The following MCC variants were observed in gnomAD, a reference collection of about 807,000 sequenced individuals.
The protein encoded by MCC is MCC regulator of Wnt signaling pathway.
Under a neutral mutation model 116.2 loss-of-function variants are expected in MCC, and 90 were observed. The ratio of observed to expected loss-of-function variants is 0.77; its 90% CI spans 0.65 to 0.92. The LOEUF is 0.92. Ranked by LOEUF, MCC falls within the 40% of genes least tolerant of loss-of-function variation. The pLI is 0.00. For synonymous variants in MCC, 578 were observed against 510.5 expected (o/e 1.13, Z -1.78); for missense variants, 1,516 against 1,312.2 (o/e 1.16, Z -2.40).
intron 14 of MCC, among the ~76,000 whole-genome samples, chr5:113,061,178 G>A (rs1211403737): frequency 1.3e-5 from 2 of 152,176 alleles, no homozygotes; most frequent in Non-Finnish European, 2.9e-5. Context: ...CTACCTGGAG[G>A]TACCTAGAGG....
At chr5:113,170,463 C>A (rs1218208392) in intron 3 of MCC, among the ~76,000 whole-genome samples, 1 of 152,028 alleles carries the variant, frequency 6.6e-6, no homozygotes, top group East Asian at 1.9e-4. Context: ...ATTTCTGTGG[C>A]GTCATTAAAG....
At chr5:113,241,832 C>T (rs986015263) in intron 3 of MCC, among the ~76,000 whole-genome samples, 13 of 152,224 alleles carry the variant, frequency 8.5e-5, no homozygotes, top group Non-Finnish European at 1.5e-4. Flanking sequence ...CAAGTCTTCT[C>T]TGGAAAAACT....
chr5:113,230,921 C>T (rs1763917698), intron 3 of MCC, among the ~76,000 whole-genome samples: 1 of 152,132 alleles, frequency 6.6e-6, no homozygotes, highest in Admixed American at 6.6e-5. Context: ...CTCCTACGTG[C>T]TCCCCATACC....
At chr5:113,221,927 TC>T (rs1416307861) in intron 3 of MCC, among the ~76,000 whole-genome samples, 1 of 152,100 alleles carries the variant, frequency 6.6e-6, no homozygotes, top group East Asian at 1.9e-4. Flanking sequence ...CTATTGCAAT[TC>T]CCCTGTCTTG....
At chr5:113,075,928 C>A (rs550884459) in intron 11 of MCC, among the ~76,000 whole-genome samples, 1 of 152,174 alleles carries the variant, frequency 6.6e-6, no homozygotes, top group Non-Finnish European at 1.5e-5. Context: ...ACTCCAGATG[C>A]GCCCCCTTTA....
intron 1 of MCC, among the ~76,000 whole-genome samples, chr5:113,393,652 A>G (rs1377792244): frequency 2.0e-5 from 3 of 152,196 alleles, no homozygotes; most frequent in Non-Finnish European, 4.4e-5. Flanking sequence ...CGCTTTGGCT[A>G]TGTTTCTAGA....
rs377458991 is a variant in MCC, at chr5:113,398,163, T to C, written c.171-12951A>G. Among the ~76,000 whole-genome samples the C allele has an allele frequency of 3.2e-4, 48 of 152,328 alleles. 4 individuals are homozygous for C. Among genetic ancestry groups the C allele is most frequent in the Admixed American group, 8.5e-4 (13 of 15,296 alleles). On this transcript the variant is annotated intron_variant, in intron 1 of 18. Transcript: ENST00000408903. The stretch of plus-strand genomic sequence containing the variant: ...CATCTCACACTAGTCAGAATGGTTA[T>C]TGTTAAAACGTCAAAAAATAACATT...
chr5:113,122,583 T>C, intron 6 of MCC, 101 bp downstream of exon 6: 10 of 1,418,294 alleles, frequency 7.1e-6, no homozygotes, highest in Non-Finnish European at 9.6e-6. Context: ...GCAAACCCCT[T>C]GAAAAATTAA....
At chr5:113,384,105 T>A (rs1308745300) in intron 2 of MCC, among the ~76,000 whole-genome samples, 1 of 152,130 alleles carries the variant, frequency 6.6e-6, no homozygotes, top group Non-Finnish European at 1.5e-5. Flanking sequence ...TCAAACATAC[T>A]AAAAAATATG....
intron 4 of MCC, among the ~76,000 whole-genome samples, chr5:113,143,990 G>A (rs1340976510): frequency 2.0e-5 from 3 of 152,120 alleles, no homozygotes; most frequent in Non-Finnish European, 4.4e-5. Context: ...TTATCTCCCA[G>A]ACTACAAGCT....
In MCC at chr5:113,173,112, T is replaced by C. The variant is rs1426906256; in HGVS notation, c.628-21690A>G. On this transcript the variant is annotated intron_variant, in intron 3 of 18. Transcript: ENST00000408903. ...AGTGAACTGTTCGTCTTTTAATTTATATAGCATTTTATCACATCTGTATGT... is the reference window on the plus strand; with the variant it reads ...AGTGAACTGTTCGTCTTTTAATTTACATAGCATTTTATCACATCTGTATGT... Among the ~76,000 whole-genome samples the C allele has an allele frequency of 2.0e-5, 3 of 152,328 alleles. No individual in the cohort carries two copies. In the South Asian group the frequency reaches 6.2e-4, roughly 32 times the overall value.
intron 5 of MCC, among the ~76,000 whole-genome samples, chr5:113,139,117 T>C (rs1759024252): frequency 6.6e-6 from 1 of 152,290 alleles, no homozygotes; most frequent in Middle Eastern, 3.4e-3. Context: ...TTGATTACTA[T>C]TGTGCCCTTG....
rs914528362 is a variant in MCC at position 113,122,832 on chromosome 5, A to C, written c.885-6T>G. 9.3e-6 allele frequency: 15 copies of C among 1,613,900 alleles called. No individual in the cohort carries two copies. The highest frequency in any genetic ancestry group is 1.3e-5 in the Non-Finnish European group (15 of 1,179,896). ...CTGAGTACTCATCTTCCTCCCTGAG[A>C]AAAAAGGAGAATTGGCAACCACTAA... On this transcript the variant is annotated splice_polypyrimidine_tract_variant and splice_region_variant and intron_variant, in intron 5 of 18. Transcript: ENST00000408903.
chr5:113,125,002 C>G (rs942543777), intron 5 of MCC, among the ~76,000 whole-genome samples: 3 of 152,188 alleles, frequency 2.0e-5, no homozygotes, highest in African/African-American at 7.2e-5. Context: ...TGGAATAGCA[C>G]AGGCAAAGGC....
intron 3 of MCC, among the ~76,000 whole-genome samples, chr5:113,264,872 T>C (rs1309055651): frequency 1.3e-5 from 2 of 152,048 alleles, no homozygotes; most frequent in African/African-American, 4.8e-5. Context: ...TGAAACCCCA[T>C]CTCTACTAAA....
intron 14 of MCC, among the ~76,000 whole-genome samples, chr5:113,062,810 A>T (rs1328667642): frequency 6.6e-6 from 1 of 152,250 alleles, no homozygotes; most frequent in African/African-American, 2.4e-5. Flanking sequence ...CACCTGGGCC[A>T]GTAGAGGTAA....
intron 3 of MCC, among the ~76,000 whole-genome samples, chr5:113,250,919 G>A (rs1450456890): frequency 2.0e-5 from 3 of 152,120 alleles, no homozygotes; most frequent in African/African-American, 4.8e-5. Context: ...TAAATTTAGG[G>A]TACATCATTC....
chr5:113,190,800 G>T (rs1237509526), intron 3 of MCC, among the ~76,000 whole-genome samples: 9 of 152,186 alleles, frequency 5.9e-5, no homozygotes, highest in African/African-American at 2.2e-4. Context: ...TCCCTTACTG[G>T]GTGTGGGGAA....
At chr5:113,193,352 C>G (rs1194375527) in intron 3 of MCC, among the ~76,000 whole-genome samples, 1 of 146,922 alleles carries the variant, frequency 6.8e-6, no homozygotes, top group Non-Finnish European at 1.5e-5. Flanking sequence ...GGACATGGAC[C>G]TCTTGGGGTG....
Sources: gnomAD v4.1 joint callset for allele counts (sites outside exome capture counted in the v4.1 genomes callset) on GRCh38, gnomAD v4.1.1 for gene constraint, MANE v1.5 for transcripts, NCBI Gene and HGNC (gene_info 2026-07-23, HGNC 2026-07-21) for gene names.